RAPGEF4: variants seen among roughly 807,000 people sequenced by gnomAD.
The protein encoded by RAPGEF4 is RAP guanine-nucleotide-exchange factor (GEF) 4.
Under a neutral mutation model 147.9 loss-of-function variants are expected in RAPGEF4, and 66 were observed. The observed-to-expected ratio is 0.45, with a 90% confidence interval of 0.37 to 0.55. The LOEUF (loss-of-function observed/expected upper bound fraction) is 0.55, where lower values mean the gene tolerates loss of function less well. RAPGEF4 is among the 20% of genes least tolerant of loss of function. RAPGEF4 has a pLI of 0.00. For missense variants in RAPGEF4, 1,071 were observed against 1,257.3 expected, an observed-to-expected ratio of 0.85 and a Z score of 2.24; for synonymous variants, 419 against 442.7, an observed-to-expected ratio of 0.95 and a Z score of 0.67.
chr2:172,845,490 A>G (rs1267607341), intron 4 of RAPGEF4, among the ~76,000 whole-genome samples: 1 of 152,000 alleles, frequency 6.6e-6, no homozygotes, highest in Non-Finnish European at 1.5e-5. Flanking sequence ...GGGGAAGGTG[A>G]TAGAAGGCAG....
Position 172,971,829 on chromosome 2 carries a change from G to T in RAPGEF4, c.1004+4385G>T, listed in dbSNP as rs530931735. 2.6e-5 allele frequency among the ~76,000 whole-genome samples: 4 copies of T among 152,148 alleles called. No homozygotes were observed. The South Asian group carries it at 8.3e-4, about 32-fold the overall frequency. On this transcript the variant is annotated intron_variant, in intron 10 of 30. Transcript: ENST00000397081. Reference sequence around the variant, plus strand: ...CTTAAACGGAAAGAAAACAAGCTTCGTTGGTCAAGAATTGCCAGTATCATT... The same window carrying T: ...CTTAAACGGAAAGAAAACAAGCTTCTTTGGTCAAGAATTGCCAGTATCATT...
At chr2:172,760,912 A>G (rs1488040285) in intron 1 of RAPGEF4, among the ~76,000 whole-genome samples, 1 of 152,022 alleles carries the variant, frequency 6.6e-6, no homozygotes, top group Non-Finnish European at 1.5e-5. Context: ...GAAAATCCTA[A>G]ATATGAAAAC....
intron 9 of RAPGEF4, among the ~76,000 whole-genome samples, chr2:172,966,657 G>A (rs1226833489): frequency 6.6e-6 from 1 of 152,128 alleles, no homozygotes; most frequent in Non-Finnish European, 1.5e-5. Flanking sequence ...AAAGGAACAA[G>A]AGGAAAAAAC....
chr2:172,917,591 C>A (rs1273971107), intron 4 of RAPGEF4: 2 of 681,510 alleles, frequency 2.9e-6, no homozygotes, highest in African/African-American at 1.8e-5. Context: ...CCCCTGCCCC[C>A]GGGCACATTC....
At position 172,895,826 on chromosome 2, in the gene RAPGEF4, A is replaced by G. The variant is rs150513554; in HGVS notation, c.445-21976A>G. On this transcript the variant is annotated intron_variant, in intron 4 of 30. Coordinates refer to ENST00000397081, the MANE Select transcript of RAPGEF4 (RefSeq NM_007023.4). The stretch of plus-strand genomic sequence containing the variant: ...ACAAACCAGAATTTGCCCCTAAACC[A>G]TGCAGAATGATTGGTTTACCTAGAT... Among the ~76,000 whole-genome samples the G allele has an allele frequency of 1.6e-3, 239 of 152,336 alleles. 1 individual carries two copies. Among genetic ancestry groups the G allele is most frequent in the Middle Eastern group, 6.8e-3 (2 of 294 alleles).
At position 173,036,347 on chromosome 2, in the gene RAPGEF4, C is replaced by T. The variant is rs556451381; in HGVS notation, c.2788+135C>T. The T allele has an allele frequency of 3.6e-4, 273 of 756,894 alleles. 2 individuals carry two copies. The South Asian group carries it at 4.4e-3, about 12-fold the overall frequency. The allele number at this position is 756,894 out of a possible 1,614,324, so 46.9% of individuals were successfully genotyped here. A position where few individuals can be genotyped will look rare whatever the true frequency, so the allele number is the denominator to read the frequency against. ...TTCTGCCTTCTTTGTCATCTCCTCT[C>T]AGTCCTGACTGTTCAGAAAGGGTCA... is the stretch of plus-strand genomic sequence containing the variant. On this transcript the variant is annotated intron_variant, in intron 28 of 30. Transcript: ENST00000397081.
chr2:172,953,462 T>G (rs1313832205), intron 6 of RAPGEF4, among the ~76,000 whole-genome samples: 3 of 151,074 alleles, frequency 2.0e-5, no homozygotes, highest in African/African-American at 7.3e-5. Context: ...TGTTATAATA[T>G]ATGTAAAACC....
In RAPGEF4 at chr2:172,766,610, G is replaced by A. The variant is rs529784571; in HGVS notation, c.66-28415G>A. Among the ~76,000 whole-genome samples the A allele has an allele frequency of 1.1e-4, 16 of 152,070 alleles. No homozygotes were observed. The South Asian group carries it at 2.9e-3, about 28-fold the overall frequency. ...CACTTGTGAAGCCATCACCACAATCGAGATAGCACACATACCCATCACCCC... is the reference window on the plus strand; with the variant it reads ...CACTTGTGAAGCCATCACCACAATCAAGATAGCACACATACCCATCACCCC... On this transcript the variant is annotated intron_variant, in intron 1 of 30. Transcript: ENST00000397081.
chr2:172,808,079 C>T (rs1258135274), intron 3 of RAPGEF4, among the ~76,000 whole-genome samples: 1 of 152,208 alleles, frequency 6.6e-6, no homozygotes, highest in Non-Finnish European at 1.5e-5. Context: ...TCAGCTGATG[C>T]TTATAGACAT....
intron 8 of RAPGEF4, 56 bp downstream of exon 8, chr2:172,961,284 T>A: frequency 1.5e-6 from 2 of 1,375,060 alleles, no homozygotes; most frequent in Admixed American, 3.7e-5. Flanking sequence ...TTAGTGAAAA[T>A]GGAACAAAAA....
chr2:172,908,591 G>C (rs2149995027), intron 4 of RAPGEF4, among the ~76,000 whole-genome samples: 1 of 152,230 alleles, frequency 6.6e-6, no homozygotes, highest in South Asian at 2.1e-4. Context: ...ATCTTGTCTG[G>C]CTGGAAGTTT....
chr2:172,771,228 A>T (rs1683543007), intron 1 of RAPGEF4, among the ~76,000 whole-genome samples: 1 of 152,132 alleles, frequency 6.6e-6, no homozygotes, highest in African/African-American at 2.4e-5. Flanking sequence ...TCTGATTCAT[A>T]GGTGGTGCCC....
chr2:172,904,826 G>C (rs1699454507), intron 4 of RAPGEF4, among the ~76,000 whole-genome samples: 1 of 151,556 alleles, frequency 6.6e-6, no homozygotes, highest in South Asian at 2.1e-4. Flanking sequence ...TACCTTCCTT[G>C]TTTTCCCATC....
intron 4 of RAPGEF4, among the ~76,000 whole-genome samples, chr2:172,867,755 A>G (rs1694802339): frequency 6.6e-6 from 1 of 152,244 alleles, no homozygotes; most frequent in Non-Finnish European, 1.5e-5. Context: ...CTGATTAAAT[A>G]GGCACAAGCT....
intron 3 of RAPGEF4, among the ~76,000 whole-genome samples, chr2:172,800,343 A>G (rs1207582458): frequency 6.6e-6 from 1 of 152,152 alleles, no homozygotes; most frequent in Non-Finnish European, 1.5e-5. Context: ...GCCACATGGG[A>G]GAAAGAAGCT....
chr2:172,784,828 A>AC (rs367705438), intron 1 of RAPGEF4, among the ~76,000 whole-genome samples: 1 of 143,526 alleles, frequency 7.0e-6, no homozygotes, highest in African/African-American at 2.6e-5. Flanking sequence ...ATGAGATTCT[A>AC]TTTTTTTTTT....
chr2:172,766,088 C>A (rs1413507472), intron 1 of RAPGEF4, among the ~76,000 whole-genome samples: 1 of 151,982 alleles, frequency 6.6e-6, no homozygotes, highest in African/African-American at 2.4e-5. Flanking sequence ...GCTTATCATA[C>A]CTAATTAAAC....
At chr2:172,809,608 G>A (rs768174044) in intron 3 of RAPGEF4, among the ~76,000 whole-genome samples, 5 of 152,074 alleles carry the variant, frequency 3.3e-5, no homozygotes, top group Non-Finnish European at 5.9e-5. Context: ...ATAGCCTACT[G>A]TAACTTTGAG....
chr2:172,919,630 A>G (rs1405423376), intron 5 of RAPGEF4, among the ~76,000 whole-genome samples: 2 of 152,010 alleles, frequency 1.3e-5, no homozygotes, highest in South Asian at 2.1e-4. Flanking sequence ...TGCAACTGAT[A>G]CAAACACTTC....
Sources: allele counts gnomAD v4.1 joint callset (sites outside exome capture counted in the v4.1 genomes callset), GRCh38; gene constraint gnomAD v4.1.1; transcripts MANE v1.5; gene names NCBI Gene and HGNC (gene_info 2026-07-23, HGNC 2026-07-21).